Variants in ERC2 observed in about 807,000 individuals in gnomAD.
The protein encoded by ERC2 is ERC protein 2.
ERC2 carries 42 observed loss-of-function variants against 114.8 expected under a neutral mutation model. The observed-to-expected ratio is 0.37, with a 90% CI of 0.29 to 0.47. The LOEUF (loss-of-function observed/expected upper bound fraction) is 0.47, where lower values mean the gene tolerates loss of function less well. ERC2 is among the 20% of genes least tolerant of loss of function. ERC2 has a pLI of 0.99. For missense variants in ERC2, 939 were observed against 1,150.7 expected (o/e 0.82, Z 2.66); for synonymous variants, 454 against 425.5 (o/e 1.07, Z -0.82).
At chr3:55,655,741 T>G (rs1009854268) in intron 17 of ERC2, among the ~76,000 whole-genome samples, 5 of 152,170 alleles carry the variant, frequency 3.3e-5, no homozygotes, top group African/African-American at 1.2e-4. Flanking sequence ...TATGGAACAC[T>G]CAGGCCTAGA....
intron 17 of ERC2, among the ~76,000 whole-genome samples, chr3:55,515,830 A>C (rs1559582594): frequency 6.6e-6 from 1 of 152,172 alleles, no homozygotes; most frequent in Non-Finnish European, 1.5e-5. Context: ...TTTGGAATAA[A>C]GACACCTGCC....
chr3:56,233,763 C>G (rs1176586120), intron 3 of ERC2, among the ~76,000 whole-genome samples: 1 of 152,164 alleles, frequency 6.6e-6, no homozygotes, highest in Non-Finnish European at 1.5e-5. Context: ...CTTTGCCTTC[C>G]CCACCTTCTA....
At chr3:56,160,284 G>C (rs1332692447) in intron 4 of ERC2, among the ~76,000 whole-genome samples, 2 of 152,134 alleles carry the variant, frequency 1.3e-5, no homozygotes, top group Non-Finnish European at 2.9e-5. Flanking sequence ...CTTTCGAGAA[G>C]TGTCTGTTCA....
chr3:55,968,632 T>A (rs928429738), intron 12 of ERC2, among the ~76,000 whole-genome samples: 7 of 152,186 alleles, frequency 4.6e-5, no homozygotes, highest in African/African-American at 1.7e-4. Flanking sequence ...AGAAAGGAAT[T>A]ATTCAAAGTA....
intron 3 of ERC2, among the ~76,000 whole-genome samples, chr3:56,285,538 C>T (rs1259080721): frequency 6.6e-6 from 1 of 152,146 alleles, no homozygotes; most frequent in East Asian, 1.9e-4. Context: ...TCCCCCAATA[C>T]TAAAAATGCT....
At chr3:56,118,785 C>T (rs922412216) in intron 6 of ERC2, among the ~76,000 whole-genome samples, 1 of 151,942 alleles carries the variant, frequency 6.6e-6, no homozygotes, top group Admixed American at 6.5e-5. Flanking sequence ...TACAGGCACC[C>T]GCCACCACGC....
intron 3 of ERC2, among the ~76,000 whole-genome samples, chr3:56,261,929 ATTTAGTT>A (rs2052961251): frequency 6.6e-6 from 1 of 151,918 alleles, no homozygotes; most frequent in African/African-American, 2.4e-5. Context: ...TGTTCTCATC[ATTTAGTT>A]CCGACTTACA....
At chr3:56,270,788 T>C (rs573180663) in intron 3 of ERC2, among the ~76,000 whole-genome samples, 3 of 152,008 alleles carry the variant, frequency 2.0e-5, no homozygotes, top group Non-Finnish European at 2.9e-5. Flanking sequence ...GACCATCCTG[T>C]CTAACACAGT....
rs1159942473 is a variant in ERC2, at chr3:56,143,173, G to A, written c.1306-3497C>T. ...CTCTGCACTAGCAGTATAGCTGTCT[G>A]AGATCCCAGCTTCATGTGGTGGTGG... On this transcript the variant is annotated intron_variant, in intron 5 of 17. Transcript: ENST00000288221. Among the ~76,000 whole-genome samples the A allele has an allele frequency of 5.3e-5, 8 of 152,308 alleles. No individual in the cohort carries two copies. In the East Asian group the frequency reaches 1.2e-3, roughly 22 times the overall value.
intron 2 of ERC2, among the ~76,000 whole-genome samples, chr3:56,385,385 C>A (rs1411715101): frequency 6.6e-6 from 1 of 152,030 alleles, no homozygotes; most frequent in Non-Finnish European, 1.5e-5. Flanking sequence ...TCCCAAAGGC[C>A]CCATCTCCTG....
In ERC2 at chr3:55,776,720, A is replaced by G. The variant is rs148044529; in HGVS notation, c.2565-41802T>C. 2.4e-4 allele frequency among the ~76,000 whole-genome samples: 37 copies of G among 152,258 alleles called. 1 individual carries two copies. In the East Asian group the frequency reaches 5.4e-3, roughly 22 times the overall value. ...TGGTGGCCTCAGGCCTTTGACCTAG[A>G]TCTCTCTAATCCTCAGGACCTTGTA... On this transcript the variant is annotated intron_variant, in intron 14 of 17. Coordinates refer to ENST00000288221, the MANE Select transcript of ERC2 (RefSeq NM_015576.3).
intron 3 of ERC2, among the ~76,000 whole-genome samples, chr3:56,182,881 C>A (rs1249325150): frequency 1.3e-5 from 2 of 152,070 alleles, no homozygotes; most frequent in East Asian, 3.8e-4. Flanking sequence ...ATCATAGTAG[C>A]AGTTGTCTGA....
chr3:56,380,034 G>C (rs918431043), intron 2 of ERC2, among the ~76,000 whole-genome samples: 8 of 151,912 alleles, frequency 5.3e-5, no homozygotes, highest in African/African-American at 1.9e-4. Flanking sequence ...AGCACCCCGG[G>C]CCCCCTCACT....
chr3:56,221,394 CA>C (rs34151708), intron 3 of ERC2, among the ~76,000 whole-genome samples: 11,988 of 135,190 alleles, frequency 0.089, 618 homozygotes, highest in Admixed American at 0.16. Flanking sequence ...GTCATCTCAC[CA>C]AAAAAAAAAA....
intron 15 of ERC2, among the ~76,000 whole-genome samples, chr3:55,703,458 C>A (rs1444669036): frequency 1.3e-5 from 2 of 152,238 alleles, no homozygotes; most frequent in Non-Finnish European, 2.9e-5. Flanking sequence ...AAGCCCGCCT[C>A]TTCCACTGCT....
intron 13 of ERC2, among the ~76,000 whole-genome samples, chr3:55,903,313 T>C (rs1205815732): frequency 6.6e-6 from 1 of 152,240 alleles, no homozygotes. Context: ...TAGTCTCCTA[T>C]AAAGTGATTA....
intron 17 of ERC2, among the ~76,000 whole-genome samples, chr3:55,534,132 A>G (rs893803761): frequency 1.4e-4 from 21 of 152,234 alleles, no homozygotes; most frequent in African/African-American, 4.1e-4. Flanking sequence ...TGAAGAACTT[A>G]GCACAGTGGG....
chr3:56,250,679 C>T (rs1022713347), intron 3 of ERC2, among the ~76,000 whole-genome samples: 1 of 152,262 alleles, frequency 6.6e-6, no homozygotes, highest in East Asian at 1.9e-4. Flanking sequence ...TAAAAGCTCC[C>T]TTTCCATCAA....
chr3:55,724,217 C>G (rs1188844310), intron 15 of ERC2, among the ~76,000 whole-genome samples: 2 of 152,154 alleles, frequency 1.3e-5, no homozygotes, highest in Non-Finnish European at 2.9e-5. Flanking sequence ...CCGGTGATGT[C>G]TGGTGATGCA....
Sources: gnomAD v4.1 joint callset for allele counts (sites outside exome capture counted in the v4.1 genomes callset) on GRCh38, gnomAD v4.1.1 for gene constraint, MANE v1.5 for transcripts, NCBI Gene and HGNC (gene_info 2026-07-23, HGNC 2026-07-21) for gene names.